The following SLC41A2 variants were observed in gnomAD, a reference collection of about 807,000 sequenced individuals.
SLC41A2 encodes solute carrier family 41 member 2.
SLC41A2 carries 32 observed loss-of-function variants against 58.3 expected under a neutral mutation model. That is an observed-to-expected ratio of 0.55 (90% confidence interval 0.41 to 0.74). The LOEUF (loss-of-function observed/expected upper bound fraction) is 0.74, where lower values mean the gene tolerates loss of function less well. Among genes scored for constraint, SLC41A2 ranks in the 30% least tolerant of loss-of-function variants. The pLI is 0.00. For missense variants in SLC41A2, 514 were observed against 680.6 expected, an observed-to-expected ratio of 0.76 and a Z score of 2.72; for synonymous variants, 190 against 235.0, an observed-to-expected ratio of 0.81 and a Z score of 1.75.
At chr12:104,882,965 G>GACA (rs2044461061) in intron 6 of SLC41A2, among the ~76,000 whole-genome samples, 2 of 152,176 alleles carry the variant, frequency 1.3e-5, no homozygotes, top group Non-Finnish European at 2.9e-5. Flanking sequence ...CCAATCAAAT[G>GACA]TAGATTTGGT....
At chr12:104,943,137 G>T (rs1297555230) in intron 1 of SLC41A2, among the ~76,000 whole-genome samples, 2 of 151,960 alleles carry the variant, frequency 1.3e-5, no homozygotes, top group African/African-American at 4.8e-5. Context: ...AGATGCCAAT[G>T]GGTTAAAGTT....
chr12:104,902,300 C>T (rs954694340), intron 3 of SLC41A2, among the ~76,000 whole-genome samples: 2 of 151,898 alleles, frequency 1.3e-5, no homozygotes, highest in African/African-American at 4.8e-5. Context: ...ACAGGTGGGG[C>T]ATAAGGAAAA....
intron 6 of SLC41A2, among the ~76,000 whole-genome samples, chr12:104,874,720 C>T (rs1018834485): frequency 6.6e-6 from 1 of 152,154 alleles, no homozygotes. Flanking sequence ...TGTTCCCATG[C>T]CAGTACTATA....
At chr12:104,814,944 T>G (rs2041328349) in intron 10 of SLC41A2, among the ~76,000 whole-genome samples, 2 of 152,250 alleles carry the variant, frequency 1.3e-5, no homozygotes, top group Admixed American at 1.3e-4. Flanking sequence ...ATTATAGAGC[T>G]AAGAAATTTC....
chr12:104,881,423 A>C (rs961412157), intron 6 of SLC41A2, among the ~76,000 whole-genome samples: 7 of 152,266 alleles, frequency 4.6e-5, no homozygotes, highest in Non-Finnish European at 8.8e-5. Context: ...TGTCAATTTT[A>C]GATCTTTCCT....
At chr12:104,860,820 C>G (rs983490967) in intron 8 of SLC41A2, among the ~76,000 whole-genome samples, 3 of 151,966 alleles carry the variant, frequency 2.0e-5, no homozygotes, top group Non-Finnish European at 4.4e-5. Context: ...AGCGACCCTC[C>G]TACCTAGGCC....
rs748390015 is a variant in SLC41A2 at position 104,866,535 on chromosome 12, C to G, written c.1072G>C (p.Ala358Pro). 6.2e-7 allele frequency: 1 copy of G among 1,605,782 alleles called. No individual in the cohort carries two copies. Among genetic ancestry groups the G allele is most frequent in the Non-Finnish European group, 8.5e-7 (1 of 1,177,222 alleles). ...ATTATAATCCAAATAGGGGTTAGAG[C>G]CAAGAAAAATACACCAACTAATGGA... ...ISPLVGVFFL[A>P]LTPIWIIIAA... Residue 358 changes from alanine (A) to proline (P), a missense_variant, in exon 7 of 11, where the codon GCT becomes CCT. Ala to Pro is a conservative substitution (Grantham distance 27). Around this residue, in one of 3 missense-constraint regions of SLC41A2, gnomAD observed 336 missense variants for 430.0 expected, o/e 0.78. Coordinates refer to ENST00000258538, the MANE Select transcript of SLC41A2 (RefSeq NM_001352171.3).
intron 6 of SLC41A2, among the ~76,000 whole-genome samples, chr12:104,875,458 C>T (rs924405691): frequency 6.6e-6 from 1 of 152,022 alleles, no homozygotes; most frequent in East Asian, 1.9e-4. Flanking sequence ...CTTGTGGTGT[C>T]TTTGTCTGGA....
At chr12:104,816,020 G>C (rs2041387677) in intron 10 of SLC41A2, among the ~76,000 whole-genome samples, 1 of 152,014 alleles carries the variant, frequency 6.6e-6, no homozygotes, top group South Asian at 2.1e-4. Flanking sequence ...TCTATTTTCA[G>C]AAGAGAAAAT....
intron 10 of SLC41A2, among the ~76,000 whole-genome samples, chr12:104,806,029 C>T (rs1435379852): frequency 2.0e-5 from 3 of 152,044 alleles, no homozygotes; most frequent in Non-Finnish European, 2.9e-5. Flanking sequence ...TTTGATCCAC[C>T]TAGAGTAGGG....
chr12:104,874,993 GTCT>G (rs1284791371), intron 6 of SLC41A2, among the ~76,000 whole-genome samples: 3 of 151,976 alleles, frequency 2.0e-5, no homozygotes, highest in Non-Finnish European at 4.4e-5. Flanking sequence ...ATTTATTTGT[GTCT>G]TCTTCAATTT....
intron 10 of SLC41A2, among the ~76,000 whole-genome samples, chr12:104,840,094 G>A (rs551436164): frequency 2.0e-5 from 3 of 152,250 alleles, no homozygotes; most frequent in East Asian, 1.9e-4. Context: ...ACCGTAGGGC[G>A]TAAGGCAAAC....
Position 104,803,053 on chromosome 12 carries a change from AT to A in SLC41A2, c.*2098del, listed in dbSNP as rs1404352207. 6.6e-6 allele frequency: 1 copy of A among 152,178 alleles called. No individual in the cohort carries two copies. Among genetic ancestry groups the A allele is most frequent in the Non-Finnish European group, 1.5e-5 (1 of 68,018 alleles). The allele number at this position is 152,178 out of a possible 1,614,324, so 9.4% of individuals were successfully genotyped here. Reference sequence around the variant, plus strand: ...ATATTTCACAGGTACTACTGTGAGTATTAAATGATATTGTGTGTTTGTGCAC... The same window carrying A: ...ATATTTCACAGGTACTACTGTGAGTATAAATGATATTGTGTGTTTGTGCAC... On this transcript the variant is annotated 3_prime_UTR_variant, in exon 11 of 11. Transcript: ENST00000258538.
chr12:104,902,465 G>A (rs1365222081), intron 3 of SLC41A2, among the ~76,000 whole-genome samples: 1 of 152,174 alleles, frequency 6.6e-6, no homozygotes, highest in Non-Finnish European at 1.5e-5. Flanking sequence ...GTTTAGTTTA[G>A]AATGTATTGA....
intron 2 of SLC41A2, among the ~76,000 whole-genome samples, chr12:104,919,769 C>T (rs1474775210): frequency 6.6e-6 from 1 of 152,102 alleles, no homozygotes; most frequent in Non-Finnish European, 1.5e-5. Flanking sequence ...TTTTCCCACT[C>T]TGTAGCTTGT....
At chr12:104,946,155 A>G (rs1490448460) in intron 1 of SLC41A2, among the ~76,000 whole-genome samples, 1 of 152,242 alleles carries the variant, frequency 6.6e-6, no homozygotes. Flanking sequence ...AGAAAGGAAT[A>G]GATTTTTTAT....
At chr12:104,809,324 G>A (rs1279843941) in intron 10 of SLC41A2, among the ~76,000 whole-genome samples, 1 of 152,236 alleles carries the variant, frequency 6.6e-6, no homozygotes, top group African/African-American at 2.4e-5. Flanking sequence ...CCGTGGGTGT[G>A]AGGCATTTGC....
intron 3 of SLC41A2, among the ~76,000 whole-genome samples, chr12:104,909,326 C>T (rs944572997): frequency 1.3e-5 from 2 of 152,062 alleles, no homozygotes; most frequent in African/African-American, 4.8e-5. Context: ...ATTACTTCTA[C>T]AATTACAGAA....
chr12:104,935,427 C>G (rs73383461), intron 1 of SLC41A2, among the ~76,000 whole-genome samples: 11 of 151,788 alleles, frequency 7.2e-5, no homozygotes, highest in African/African-American at 2.7e-4. Context: ...TTTTCTATAA[C>G]GTATACGTAG....
Sources: gnomAD v4.1 joint callset for allele counts (sites outside exome capture counted in the v4.1 genomes callset) on GRCh38, gnomAD v4.1.1 for gene constraint, gnomAD v4.1.1 regional missense constraint, MANE v1.5 for transcripts, NCBI Gene and HGNC (gene_info 2026-07-23, HGNC 2026-07-21) for gene names.